TBRG1: variants seen among roughly 807,000 people sequenced by gnomAD.
The protein encoded by TBRG1 is transforming growth factor beta regulator 1.
Under a neutral mutation model 44.0 loss-of-function variants are expected in TBRG1, and 31 were observed. That is an observed-to-expected ratio of 0.70 (90% CI 0.53 to 0.95). TBRG1 has a LOEUF of 0.95. TBRG1 is among the 40% of genes least tolerant of loss of function. The pLI is 0.00. For missense variants in TBRG1, 487 were observed against 496.1 expected (o/e 0.98, Z 0.18); for synonymous variants, 171 against 188.1 (o/e 0.91, Z 0.74).
At chr11:124,629,491 A>G (rs1942564017) in intron 5 of TBRG1, among the ~76,000 whole-genome samples, 1 of 152,232 alleles carries the variant, frequency 6.6e-6, no homozygotes, top group Non-Finnish European at 1.5e-5. Flanking sequence ...GAAACCACTC[A>G]CAAGAGAATT....
intron 1 of TBRG1, 34 bp from the exon 2 acceptor site, chr11:124,624,897 T>A (rs1366078441): frequency 8.0e-6 from 11 of 1,367,062 alleles, no homozygotes; most frequent in Non-Finnish European, 1.1e-5. Context: ...TTTTTATTCA[T>A]TTTATGTTAT....
chr11:124,628,112 TATATACACAC>T (rs1180685176), intron 5 of TBRG1, among the ~76,000 whole-genome samples: 24 of 51,264 alleles, frequency 4.7e-4, no homozygotes, highest in African/African-American at 2.2e-3. Context: ...TATATATATA[TATATACACAC>T]ACACACACAC....
chr11:124,630,469 A>T lies in TBRG1; in HGVS notation c.820A>T (p.Thr274Ser). ...TGCTTGTCATGCAGAACTGCTCAGG[A>T]CTATAAGCACTACTATGTAAGTTGA... is the stretch of plus-strand genomic sequence containing the variant. ...ADACHAELLR[T>S]ISTTMGKLMP... Residue 274 changes from threonine (T) to serine (S), a missense_variant, in exon 6 of 9, where the codon ACT becomes TCT. Thr to Ser is a moderately conservative substitution (Grantham distance 58). Coordinates refer to ENST00000441174, the MANE Select transcript of TBRG1 (RefSeq NM_032811.3). 1 of 1,612,126 alleles carries T rather than the reference A, an allele frequency of 6.2e-7. No homozygotes were observed. Among genetic ancestry groups the T allele is most frequent in the Non-Finnish European group, 8.5e-7 (1 of 1,178,194 alleles).
chr11:124,628,823 A>G (rs931142765), intron 5 of TBRG1, among the ~76,000 whole-genome samples: 1 of 152,180 alleles, frequency 6.6e-6, no homozygotes, highest in Non-Finnish European at 1.5e-5. Context: ...TCTAGACTGC[A>G]CTAGGTACAC....
intron 8 of TBRG1, chr11:124,631,637 G>GTTT: frequency 3.4e-6 from 2 of 584,382 alleles, no homozygotes; most frequent in South Asian, 4.0e-5. Context: ...TCATAGTAAG[G>GTTT]CAGGGTACCC....
At chr11:124,626,003 T>TA (rs1702097790) in intron 3 of TBRG1, 100 bp downstream of exon 3, 5 of 1,426,800 alleles carry the variant, frequency 3.5e-6, no homozygotes, top group African/African-American at 1.4e-5. Context: ...CAGATGTACT[T>TA]AGAGTCTCAT....
intron 2 of TBRG1, 68 bp from the exon 3 acceptor site, chr11:124,625,603 T>C (rs1942449742): frequency 4.2e-6 from 6 of 1,412,372 alleles, no homozygotes; most frequent in Admixed American, 5.1e-5. Context: ...TTCCCAGTAC[T>C]TGAGTAAAAT....
At chr11:124,626,409 A>C in intron 3 of TBRG1, 64 bp from the exon 4 acceptor site, 3 of 1,423,898 alleles carry the variant, frequency 2.1e-6, no homozygotes, top group Non-Finnish European at 2.8e-6. Context: ...TCACGTGCAA[A>C]TTTATCCCTT....
intron 2 of TBRG1, among the ~76,000 whole-genome samples, chr11:124,625,293 C>T (rs941914925): frequency 6.6e-6 from 1 of 152,092 alleles, no homozygotes; most frequent in Non-Finnish European, 1.5e-5. Flanking sequence ...ATCTTATGGC[C>T]CAATTATAAA....
At position 124,625,792 on chromosome 11, in the gene TBRG1, A is replaced by C. The variant is rs372017057; in HGVS notation, c.343A>C (p.Ile115Leu). The change falls in exon 3 of 9, where the codon ATA becomes CTA. Residue 115 changes from isoleucine to leucine, a missense_variant. By Grantham distance (5) the Ile-to-Leu change is conservative (BLOSUM62 2). Coordinates refer to ENST00000441174, the MANE Select transcript of TBRG1 (RefSeq NM_032811.3). ...TGGTGTGGCCAGCTCTGTGGGAACT[A>C]TACAGGGAGCTGGGCCTATTTCAGG... ...TYGVASSVGT[I>L]QGAGPISGPS... The C allele has an allele frequency of 7.0e-6, 11 of 1,580,926 alleles. No individual in the cohort carries two copies. The highest frequency in any genetic ancestry group is 9.5e-6 in the Non-Finnish European group (11 of 1,162,432).
At position 124,628,116 on chromosome 11, in the gene TBRG1, T is replaced by TACAC. The variant is rs368617758; in HGVS notation, c.738+1094_738+1097dup. On this transcript the variant is annotated intron_variant, in intron 5 of 8. Coordinates refer to ENST00000441174, the MANE Select transcript of TBRG1 (RefSeq NM_032811.3). ...ATATATATATATATATATATATATA[T>TACAC]ACACACACACACACACACACACACA... 2.4e-3 allele frequency among the ~76,000 whole-genome samples: 99 copies of TACAC among 41,914 alleles called. 2 individuals are homozygous for TACAC. The highest frequency in any genetic ancestry group is 8.5e-3 in the South Asian group (10 of 1,180). 27.5% of individuals were successfully genotyped at this position (41,914 alleles called of 152,430 possible). A position where few individuals can be genotyped will look rare whatever the true frequency, so the allele number is the denominator to read the frequency against.
chr11:124,626,754 C>A, intron 4 of TBRG1, 145 bp downstream of exon 4: 2 of 1,426,634 alleles, frequency 1.4e-6, no homozygotes, highest in South Asian at 2.5e-5. Context: ...AAAACCAGGT[C>A]AGTGTTGTCT....
intron 5 of TBRG1, among the ~76,000 whole-genome samples, chr11:124,629,438 G>A (rs912993483): frequency 1.3e-5 from 2 of 152,190 alleles, no homozygotes; most frequent in African/African-American, 2.4e-5. Flanking sequence ...TCTTAACCTG[G>A]CAAGGTATGC....
At position 124,632,298 on chromosome 11, in the gene TBRG1, T is replaced by G; in HGVS notation, c.*60T>G. The G allele has an allele frequency of 6.5e-7, 1 of 1,534,366 alleles. No homozygotes were observed. Among genetic ancestry groups the G allele is most frequent in the South Asian group, 1.2e-5 (1 of 85,074 alleles). ...GTGATTAATTTAACTTAAACTAAAA[T>G]TTTGGGTATATGAAAGAAGGCAGCA... On this transcript the variant is annotated 3_prime_UTR_variant, in exon 9 of 9. Transcript: ENST00000441174.
chr11:124,626,379 T>G (rs1942469498), intron 3 of TBRG1, 94 bp from the exon 4 acceptor site: 1 of 1,143,330 alleles, frequency 8.7e-7, no homozygotes, highest in Admixed American at 2.8e-5. Flanking sequence ...AAACCAGGAT[T>G]GGCTTATTGC....
Position 124,625,815 on chromosome 11 carries a change from A to G in TBRG1, c.366A>G (p.Ser122=). The G allele has an allele frequency of 6.3e-7, 1 of 1,584,068 alleles. No individual in the cohort carries two copies. Among genetic ancestry groups the G allele is most frequent in the Non-Finnish European group, 8.6e-7 (1 of 1,164,292 alleles). The stretch of plus-strand genomic sequence containing the variant: ...CTATACAGGGAGCTGGGCCTATTTC[A>G]GGGCCCAGCACTGGGGCTGAGGAAC... ...VGTIQGAGPI[S]GPSTGAEEPF... The change falls in exon 3 of 9, where the codon TCA becomes TCG. Residue 122 remains serine, a synonymous_variant. Coordinates refer to ENST00000441174, the MANE Select transcript of TBRG1 (RefSeq NM_032811.3).
At chr11:124,625,084 CTTT>C (rs971365196) in intron 2 of TBRG1, 83 bp downstream of exon 2, 2 of 986,720 alleles carry the variant, frequency 2.0e-6, no homozygotes, top group African/African-American at 3.3e-5. Context: ...GCTCTGGAGA[CTTT>C]TTTTCCCAGT....
At chr11:124,630,943 C>G in intron 7 of TBRG1, 88 bp downstream of exon 7, 2 of 995,714 alleles carry the variant, frequency 2.0e-6, no homozygotes, top group African/African-American at 1.6e-5. Flanking sequence ...CACTGACCTT[C>G]TGTGTCCAAA....
intron 7 of TBRG1, 81 bp downstream of exon 7, chr11:124,630,936 T>C: frequency 9.7e-7 from 1 of 1,025,694 alleles, no homozygotes; most frequent in East Asian, 2.6e-5. Context: ...CTTTGTTCAC[T>C]GACCTTCTGT....
Sources: gnomAD v4.1 joint callset for allele counts (sites outside exome capture counted in the v4.1 genomes callset) on GRCh38, gnomAD v4.1.1 for gene constraint, MANE v1.5 for transcripts, NCBI Gene and HGNC (gene_info 2026-07-23, HGNC 2026-07-21) for gene names.